The following BTG3 variants were observed in gnomAD, a reference collection of about 807,000 sequenced individuals.
BTG3 encodes protein BTG3.
Under a neutral mutation model 25.8 loss-of-function variants are expected in BTG3, and 4 were observed. The observed-to-expected ratio is 0.16, with a 90% confidence interval of 0.08 to 0.36. BTG3 has a LOEUF of 0.36. Among genes scored for constraint, BTG3 ranks in the 10% least tolerant of loss-of-function variants. BTG3 has a pLI of 1.00. For missense variants in BTG3, 201 were observed against 304.9 expected (o/e 0.66, Z 2.54); for synonymous variants, 107 against 99.9 (o/e 1.07, Z -0.42).
chr21:17,611,893 C>G (rs996279637), intron 1 of BTG3: 5 of 152,200 alleles, frequency 3.3e-5, no homozygotes, highest in South Asian at 4.1e-4. Context: ...TCTAGGAACA[C>G]ATTTTTCTCC....
intron 4 of BTG3, among the ~76,000 whole-genome samples, chr21:17,595,754 T>C (rs960538057): frequency 2.6e-5 from 4 of 152,046 alleles, no homozygotes; most frequent in African/African-American, 4.8e-5. Context: ...TTAATTCTAA[T>C]AGAAGGCTTT....
intron 4 of BTG3, among the ~76,000 whole-genome samples, chr21:17,598,175 C>A (rs2061527571): frequency 6.6e-6 from 1 of 151,898 alleles, no homozygotes; most frequent in African/African-American, 2.4e-5. Flanking sequence ...AAAAGGGAGA[C>A]AATGTTTCAG....
chr21:17,594,584 AC>A (rs1219177087), intron 4 of BTG3, among the ~76,000 whole-genome samples: 4 of 152,044 alleles, frequency 2.6e-5, no homozygotes. Flanking sequence ...AACAACTTCA[AC>A]CAAAAAAGAC....
intron 1 of BTG3, chr21:17,612,384 G>C (rs2061742801): frequency 6.6e-6 from 1 of 152,266 alleles, no homozygotes. Flanking sequence ...GGGAAGCCGC[G>C]GGGTTGTCGC....
chr21:17,599,674 T>C (rs2061548148), intron 3 of BTG3, among the ~76,000 whole-genome samples: 1 of 152,130 alleles, frequency 6.6e-6, no homozygotes, highest in African/African-American at 2.4e-5. Context: ...GAGATGAGGT[T>C]TCACCATGCT....
In BTG3 at chr21:17,598,669, T is replaced by A. The variant is rs2061534467; in HGVS notation, c.467A>T (p.Glu156Val). The change falls in exon 4 of 5, where the codon GAA (glutamate) becomes GTA (valine). Residue 156 changes from glutamate to valine, a missense_variant. Physicochemically the swap from Glu to Val is moderately radical, Grantham distance 121. Coordinates refer to ENST00000348354, the MANE Select transcript of BTG3 (RefSeq NM_006806.5). ...CACCGAACTGGGTTTCACTTCCATT[T>A]CCTTACTTGTTTCTTCATCTGAAGA... ...SSSSDEETSKEMEVKPSSVTA... is the reference protein window; with the variant it reads ...SSSSDEETSKVMEVKPSSVTA... The A allele has an allele frequency of 6.2e-7, 1 of 1,614,038 alleles. No homozygotes were observed. The highest frequency in any genetic ancestry group is 8.5e-7 in the Non-Finnish European group (1 of 1,180,042).
chr21:17,606,428 A>T (rs1472953139), intron 2 of BTG3, among the ~76,000 whole-genome samples: 8 of 152,174 alleles, frequency 5.3e-5, no homozygotes, highest in Non-Finnish European at 1.2e-4. Flanking sequence ...CTAGTATGTA[A>T]AATACTGCTT....
rs566555482 is a variant in BTG3, at chr21:17,602,158, C to CA, written c.311+2701dup. 1.7e-3 allele frequency among the ~76,000 whole-genome samples: 234 copies of CA among 139,906 alleles called. 1 individual carries two copies. Among genetic ancestry groups the CA allele is most frequent in the Middle Eastern group, 3.7e-3 (1 of 268 alleles). 91.8% of individuals were successfully genotyped at this position (139,906 alleles called of 152,430 possible). ...GGAAAAAAAGGATGGCAGAAATCAC[C>CA]AAAAAAAAAAAAAGTTGTAAAATAT... On this transcript the variant is annotated intron_variant, in intron 3 of 4. Transcript: ENST00000348354.
intron 3 of BTG3, among the ~76,000 whole-genome samples, chr21:17,601,049 G>A (rs2061567292): frequency 6.6e-6 from 1 of 152,104 alleles, no homozygotes; most frequent in Non-Finnish European, 1.5e-5. Context: ...TGTAATCCCA[G>A]CTACTCGGGA....
chr21:17,599,637 G>A (rs549461419), intron 3 of BTG3, among the ~76,000 whole-genome samples: 22 of 152,046 alleles, frequency 1.4e-4, no homozygotes, highest in African/African-American at 5.1e-4. Flanking sequence ...CCACCACCAC[G>A]CCCAGCTAAT....
chr21:17,611,625 G>C (rs935922278), intron 1 of BTG3: 14 of 152,246 alleles, frequency 9.2e-5, no homozygotes, highest in Admixed American at 8.5e-4. Flanking sequence ...AAGACCTCAG[G>C]CGTCTTGAGT....
At chr21:17,608,383 A>C (rs2061674189) in intron 2 of BTG3, among the ~76,000 whole-genome samples, 1 of 151,744 alleles carries the variant, frequency 6.6e-6, no homozygotes, top group Non-Finnish European at 1.5e-5. Context: ...CAAAAAAAAA[A>C]AACTCCCAGA....
At chr21:17,608,944 C>T in intron 2 of BTG3, 28 bp downstream of exon 2, 6 of 1,598,702 alleles carry the variant, frequency 3.8e-6, no homozygotes, top group Non-Finnish European at 5.1e-6. Flanking sequence ...GTTGATCAGC[C>T]TCTGCTTAAT....
At chr21:17,609,216 G>GTT in intron 1 of BTG3, 64 bp from the exon 2 acceptor site, 3 of 1,481,760 alleles carry the variant, frequency 2.0e-6, no homozygotes, top group Non-Finnish European at 1.8e-6. Context: ...ATGAAGCTCT[G>GTT]TAAGATATAC....
At chr21:17,607,554 A>G (rs1055281382) in intron 2 of BTG3, among the ~76,000 whole-genome samples, 6 of 152,254 alleles carry the variant, frequency 3.9e-5, no homozygotes, top group African/African-American at 1.2e-4. Flanking sequence ...TCAATAGAAC[A>G]CAAGCTCACT....
chr21:17,611,500 T>C (rs952327153), intron 1 of BTG3, among the ~76,000 whole-genome samples: 4 of 152,162 alleles, frequency 2.6e-5, no homozygotes, highest in Non-Finnish European at 5.9e-5. Flanking sequence ...GAAGAAATGA[T>C]AGCTCGAACA....
intron 3 of BTG3, among the ~76,000 whole-genome samples, chr21:17,599,906 A>T (rs909026347): frequency 6.6e-6 from 1 of 152,226 alleles, no homozygotes; most frequent in Admixed American, 6.5e-5. Flanking sequence ...ATACTCACAA[A>T]AATGAGAACT....
At chr21:17,598,407 G>C (rs2061531044) in intron 4 of BTG3, among the ~76,000 whole-genome samples, 1 of 152,080 alleles carries the variant, frequency 6.6e-6, no homozygotes, top group Non-Finnish European at 1.5e-5. Context: ...ATTTATCCTA[G>C]TTATTGTATA....
At position 17,594,329 on chromosome 21, in the gene BTG3, A is replaced by T. The variant is rs2061475349; in HGVS notation, c.523T>A (p.Ser175Thr). 8 of 1,612,522 alleles carry T rather than the reference A, an allele frequency of 5.0e-6. No homozygotes were observed. Among genetic ancestry groups the T allele is most frequent in the Non-Finnish European group, 6.8e-6 (8 of 1,179,100 alleles). ...TAAASPVYQISELIFPPLPMW... is the reference protein window; with the variant it reads ...TAAASPVYQITELIFPPLPMW... ...GGAAGAGGTGGAAATATAAGTTCTG[A>T]AATCTGTAGGGAAGAGAACACATTA... The change falls in exon 5 of 5, where the codon TCA becomes ACA. Residue 175 changes from serine (S) to threonine (T), a missense_variant. Physicochemically the swap from Ser to Thr is moderately conservative, Grantham distance 58. Coordinates refer to ENST00000348354, the MANE Select transcript of BTG3 (RefSeq NM_006806.5).
Sources: gnomAD v4.1 joint callset for allele counts (sites outside exome capture counted in the v4.1 genomes callset) on GRCh38, gnomAD v4.1.1 for gene constraint, MANE v1.5 for transcripts, NCBI Gene and HGNC (gene_info 2026-07-23, HGNC 2026-07-21) for gene names.